Variants in PIK3C2B observed in about 807,000 individuals in gnomAD.
PIK3C2B encodes the protein phosphatidylinositol 4-phosphate 3-kinase C2 domain-containing subunit beta.
In PIK3C2B, 83 loss-of-function variants were observed where a neutral mutation model predicts 184.3. The ratio of observed to expected loss-of-function variants is 0.45; its 90% CI spans 0.38 to 0.54. The LOEUF (loss-of-function observed/expected upper bound fraction) is 0.54, where lower values mean the gene tolerates loss of function less well. PIK3C2B is among the 20% of genes least tolerant of loss of function. PIK3C2B has a pLI of 0.00. For synonymous variants in PIK3C2B, 779 were observed against 837.6 expected, an observed-to-expected ratio of 0.93 and a Z score of 1.21; for missense variants, 1,736 against 2,113.5, an observed-to-expected ratio of 0.82 and a Z score of 3.50.
rs139980877 is a variant in PIK3C2B at position 204,454,092 on chromosome 1, T to C, written c.2066+577A>G. The stretch of plus-strand genomic sequence containing the variant: ...GCCTGGTCAACAACTAAAATTTATA[T>C]GTTTTTTATGGTTTACAAAGAGCCT... On this transcript the variant is annotated intron_variant, in intron 12 of 32. Coordinates refer to ENST00000684373, the MANE Select transcript of PIK3C2B (RefSeq NM_001377334.1). 3.8e-3 allele frequency among the ~76,000 whole-genome samples: 578 copies of C among 152,106 alleles called. 3 individuals are homozygous for C. Among genetic ancestry groups the C allele is most frequent in the African/African-American group, 0.013 (557 of 41,506 alleles).
At chr1:204,434,649 C>T in intron 23 of PIK3C2B, 41 bp from the exon 24 acceptor site, 1 of 1,570,762 alleles carries the variant, frequency 6.4e-7, no homozygotes, top group Non-Finnish European at 8.7e-7. Flanking sequence ...GGACATAAAG[C>T]TGGCTTGGAA....
At chr1:204,468,412 C>CA (rs1221773664) in intron 2 of PIK3C2B, among the ~76,000 whole-genome samples, 1 of 151,944 alleles carries the variant, frequency 6.6e-6, no homozygotes, top group African/African-American at 2.4e-5. Flanking sequence ...GTCTGGCATT[C>CA]AGTGGGCACT....
Position 204,454,726 on chromosome 1 carries a change from T to TGCAGGGG in PIK3C2B, c.2002_2008dup (p.Gln670ProfsTer58). 1 of 1,613,624 alleles carries TGCAGGGG rather than the reference T, an allele frequency of 6.2e-7. No individual in the cohort carries two copies. Among genetic ancestry groups the TGCAGGGG allele is most frequent in the Non-Finnish European group, 8.5e-7 (1 of 1,179,954 alleles). ...CTTGGAGAAGTGAGCTCTTCGGGTC[T>TGCAGGGG]GCAGGGGGCTGCACAGCTCCTTGCC... On this transcript the variant is annotated frameshift_variant, in exon 12 of 33. Coordinates refer to ENST00000684373, the MANE Select transcript of PIK3C2B (RefSeq NM_001377334.1). LOFTEE classifies it high-confidence loss of function.
rs966877582 is a variant in PIK3C2B, at chr1:204,443,272, T to C, written c.3048+145A>G. On this transcript the variant is annotated intron_variant, in intron 19 of 32. Transcript: ENST00000684373. ...GTATCCAGCTTGTGGACTGCCTGTT[T>C]ACGGCCTAGTTTCCAGAGTCAGCTG... is the stretch of plus-strand genomic sequence containing the variant. 16 of 681,472 alleles carry C rather than the reference T, an allele frequency of 2.3e-5. No homozygotes were observed. The African/African-American group carries it at 2.7e-4, about 11-fold the overall frequency. 42.2% of individuals were successfully genotyped at this position (681,472 alleles called of 1,614,324 possible). A position where few individuals can be genotyped will look rare whatever the true frequency, so the allele number is the denominator to read the frequency against.
rs1469408767 is a variant in PIK3C2B at position 204,469,342 on chromosome 1, A to G, written c.461T>C (p.Leu154Pro). 3.9e-6 allele frequency: 6 copies of G among 1,527,824 alleles called. No homozygotes were observed. The Admixed American group carries it at 8.7e-5, about 22-fold the overall frequency. 94.6% of individuals were successfully genotyped at this position (1,527,824 alleles called of 1,614,324 possible). ...PGDIEGSCKK[L>P]SPPPLPPRAS... is the part of the protein sequence containing the mutation. ...TCGGGGAGGCAGAGGAGGTGGGGAT[A>G]GTTTCTTGCAAGAGCCCTCTATGTC... The change falls in exon 2 of 33, where the codon CTA becomes CCA. Residue 154 changes from leucine to proline, a missense_variant. Physicochemically the swap from Leu to Pro is moderately conservative, Grantham distance 98 (BLOSUM62 -3). Coordinates refer to ENST00000684373, the MANE Select transcript of PIK3C2B (RefSeq NM_001377334.1).
rs190355390 is a variant in PIK3C2B at position 204,426,544 on chromosome 1, T to C, written c.4588-803A>G. ...TGCAAAGTCCACTCCCTTCATTCCATCCTAGCATTCCTTCTCTGCTTTATT... is the reference window on the plus strand; with the variant it reads ...TGCAAAGTCCACTCCCTTCATTCCACCCTAGCATTCCTTCTCTGCTTTATT... On this transcript the variant is annotated intron_variant, in intron 31 of 32. Transcript: ENST00000684373. Among the ~76,000 whole-genome samples, 144 of 152,296 alleles carry C rather than the reference T, an allele frequency of 9.5e-4. 1 individual carries two copies. Among genetic ancestry groups the C allele is most frequent in the Non-Finnish European group, 1.4e-3 (98 of 68,008 alleles).
In PIK3C2B at chr1:204,460,383, G is replaced by A; in HGVS notation, c.1443C>T (p.Pro481=). 6.2e-7 allele frequency: 1 copy of A among 1,613,906 alleles called. No homozygotes were observed. The highest frequency in any genetic ancestry group is 8.5e-7 in the Non-Finnish European group (1 of 1,179,836). ...LARTVNDDQS[P]STLNYLVHLQ... is the part of the protein sequence containing the mutation. ...GATGGACGAGGTAGTTCAAGGTGGAGGGGCTCTGGTCATCATTCACCTGTA... is the reference window on the plus strand; with the variant it reads ...GATGGACGAGGTAGTTCAAGGTGGAAGGGCTCTGGTCATCATTCACCTGTA... Residue 481 remains proline (P), a synonymous_variant, in exon 7 of 33, where the codon CCC becomes CCT. Transcript: ENST00000684373.
intron 2 of PIK3C2B, 72 bp downstream of exon 2, chr1:204,468,798 C>G (rs551564849): frequency 5.3e-6 from 7 of 1,323,490 alleles, no homozygotes; most frequent in Non-Finnish European, 6.3e-6. Context: ...GGATGTAGAA[C>G]AGCAGAGACT....
Position 204,469,016 on chromosome 1 carries a change from GC to G in PIK3C2B, c.786del (p.Leu263TrpfsTer116). 1.2e-6 allele frequency: 2 copies of G among 1,614,206 alleles called. No homozygotes were observed. Among genetic ancestry groups the G allele is most frequent in the Non-Finnish European group, 1.7e-6 (2 of 1,180,044 alleles). On this transcript the variant is annotated frameshift_variant, in exon 2 of 33. Coordinates refer to ENST00000684373, the MANE Select transcript of PIK3C2B (RefSeq NM_001377334.1). LOFTEE classifies it high-confidence loss of function. ...ATRGWKEGRG[P>X]LDFSKDTSGK... Reference sequence around the variant, plus strand: ...CCAGAGGTGTCTTTGCTGAAGTCCAGCGGCCCTCGGCCCTCCTTCCAGCCCC... The same window carrying G: ...CCAGAGGTGTCTTTGCTGAAGTCCAGGGCCCTCGGCCCTCCTTCCAGCCCC...
intron 21 of PIK3C2B, 69 bp downstream of exon 21, chr1:204,441,402 A>C: frequency 2.1e-6 from 2 of 948,102 alleles, no homozygotes; most frequent in South Asian, 1.4e-5. Flanking sequence ...GGGGCTACTT[A>C]ATGCCACTCT....
intron 11 of PIK3C2B, 76 bp downstream of exon 11, chr1:204,455,780 A>T: frequency 9.1e-7 from 1 of 1,101,736 alleles, no homozygotes; most frequent in Non-Finnish European, 1.3e-6. Flanking sequence ...CAGTGGTATT[A>T]CATGCAGATA....
intron 32 of PIK3C2B, among the ~76,000 whole-genome samples, chr1:204,425,276 G>C (rs1427284251): frequency 6.6e-6 from 1 of 152,120 alleles, no homozygotes; most frequent in Non-Finnish European, 1.5e-5. Flanking sequence ...TTGTATTGGG[G>C]CCACTGCTCA....
intron 15 of PIK3C2B, among the ~76,000 whole-genome samples, chr1:204,446,365 G>A (rs3014635): frequency 0.028 from 4,273 of 152,308 alleles, 142 homozygotes; most frequent in East Asian, 0.078. Context: ...CCAAATGGCT[G>A]GGGAAGCCAG....
chr1:204,441,596 G>A, intron 20 of PIK3C2B, 33 bp from the exon 21 acceptor site: 1 of 1,493,244 alleles, frequency 6.7e-7, no homozygotes, highest in East Asian at 2.3e-5. Context: ...ACGAGGGTCA[G>A]AGTGGCCCAT....
chr1:204,481,107 A>G lies in PIK3C2B; in HGVS notation c.-84-11221T>C, dbSNP rs138488221. Reference sequence around the variant, plus strand: ...ACACACACATCTATGTCTCCCCGCTACATACACACCACACACCTCCCATGC... The same window carrying G: ...ACACACACATCTATGTCTCCCCGCTGCATACACACCACACACCTCCCATGC... On this transcript the variant is annotated intron_variant, in intron 1 of 32. Transcript: ENST00000684373. Among the ~76,000 whole-genome samples the G allele has an allele frequency of 8.4e-3, 1,265 of 150,132 alleles. 19 individuals are homozygous for G. Among genetic ancestry groups the G allele is most frequent in the African/African-American group, 0.028 (1,142 of 40,636 alleles).
chr1:204,425,546 G>C (rs1034761318), intron 32 of PIK3C2B, 67 bp downstream of exon 32: 1 of 1,536,852 alleles, frequency 6.5e-7, no homozygotes, highest in Non-Finnish European at 9.0e-7. Flanking sequence ...TCTTCAATAC[G>C]ACTTTATCTA....
chr1:204,444,235 C>T, intron 17 of PIK3C2B, 73 bp from the exon 18 acceptor site: 1 of 1,417,942 alleles, frequency 7.1e-7, no homozygotes, highest in Non-Finnish European at 1.0e-6. Context: ...ATTATTATTG[C>T]ACTGGGATCT....
At chr1:204,431,535 C>T in intron 28 of PIK3C2B, 134 bp downstream of exon 28, 1 of 1,125,610 alleles carries the variant, frequency 8.9e-7, no homozygotes, top group Non-Finnish European at 1.3e-6. Context: ...AAACTCCATA[C>T]CAGGCCAAGC....
Position 204,455,849 on chromosome 1 carries a change from G to A in PIK3C2B, c.1943+7C>T. ...GCTCCCTAGCGGCTACTCAGCCCTG[G>A]GCTCACCTGGTAGCCCAGATGATGG... On this transcript the variant is annotated splice_region_variant and intron_variant, in intron 11 of 32. Coordinates refer to ENST00000684373, the MANE Select transcript of PIK3C2B (RefSeq NM_001377334.1). The A allele has an allele frequency of 6.2e-7, 1 of 1,607,534 alleles. No homozygotes were observed. Among genetic ancestry groups the A allele is most frequent in the Non-Finnish European group, 8.5e-7 (1 of 1,176,380 alleles).
Sources: gnomAD v4.1 joint callset for allele counts (sites outside exome capture counted in the v4.1 genomes callset) on GRCh38, gnomAD v4.1.1 for gene constraint, MANE v1.5 for transcripts, NCBI Gene and HGNC (gene_info 2026-07-23, HGNC 2026-07-21) for gene names.